Variants in GALNT13 observed in about 807,000 individuals in gnomAD.
GALNT13 encodes the protein polypeptide N-acetylgalactosaminyltransferase 13, also known as UDP-GalNAc:polypeptide N-acetylgalactosaminyltransferase 13.
A neutral mutation model predicts 64.2 loss-of-function variants in GALNT13; 28 were observed. The ratio of observed to expected loss-of-function variants is 0.44; its 90% CI spans 0.32 to 0.60. GALNT13 has a LOEUF of 0.60. Ranked by LOEUF, GALNT13 falls within the 20% of genes least tolerant of loss-of-function variation. The pLI is 0.05. For missense variants in GALNT13, 577 were observed against 669.8 expected (o/e 0.86, Z 1.53); for synonymous variants, 214 against 224.6 (o/e 0.95, Z 0.42).
At chr2:153,628,254 A>G in the GALNT13 span, among the ~76,000 whole-genome samples, 1 of 151,652 alleles carries the variant, frequency 6.6e-6, no homozygotes, top group Non-Finnish European at 1.5e-5. Flanking sequence ...GGCTGAGACA[A>G]TGGGGTTTTC....
chr2:154,411,563 C>T (rs1336494771), intron 11 of GALNT13, among the ~76,000 whole-genome samples: 1 of 151,550 alleles, frequency 6.6e-6, no homozygotes, highest in Non-Finnish European at 1.5e-5. Context: ...TCAATAATCT[C>T]ATTTATGAAA....
chr2:153,984,176 T>C (rs1293904772), intron 3 of GALNT13, among the ~76,000 whole-genome samples: 1 of 151,800 alleles, frequency 6.6e-6, no homozygotes, highest in Non-Finnish European at 1.5e-5. Flanking sequence ...TATAATCTGT[T>C]TTTGAGTTCT....
the GALNT13 span, among the ~76,000 whole-genome samples, chr2:153,338,833 A>G: frequency 2.6e-5 from 4 of 152,042 alleles, no homozygotes; most frequent in East Asian, 1.9e-4. Context: ...CTCTGTTTCT[A>G]TAAGTTGACT....
intron 3 of GALNT13, among the ~76,000 whole-genome samples, chr2:154,107,587 A>C (rs759234947): frequency 1.5e-5 from 2 of 135,184 alleles, no homozygotes; most frequent in Non-Finnish European, 3.1e-5. Context: ...AGACTACATC[A>C]CAAAAAAAAA....
chr2:153,994,882 G>A (rs372102251), intron 3 of GALNT13, among the ~76,000 whole-genome samples: 3 of 151,966 alleles, frequency 2.0e-5, no homozygotes, highest in Non-Finnish European at 4.4e-5. Flanking sequence ...TGTTCACTCC[G>A]ATGGTAGTTT....
At chr2:154,078,715 A>T (rs1209154791) in intron 3 of GALNT13, among the ~76,000 whole-genome samples, 1 of 151,636 alleles carries the variant, frequency 6.6e-6, no homozygotes, top group African/African-American at 2.4e-5. Flanking sequence ...TAAAATATAT[A>T]TGTAAAAACT....
chr2:153,908,697 G>A (rs575890034), intron 2 of GALNT13, among the ~76,000 whole-genome samples: 1 of 152,150 alleles, frequency 6.6e-6, no homozygotes, highest in East Asian at 1.9e-4. Flanking sequence ...AGACCAGATG[G>A]TTGTAGGTGT....
At chr2:153,888,288 C>T (rs1186785113) in intron 1 of GALNT13, among the ~76,000 whole-genome samples, 1 of 151,976 alleles carries the variant, frequency 6.6e-6, no homozygotes, top group Non-Finnish European at 1.5e-5. Context: ...ATGTAACCTA[C>T]AACTTCCTCA....
intron 4 of GALNT13, among the ~76,000 whole-genome samples, 193 bp downstream of exon 4, chr2:154,140,698 C>T (rs374008509): frequency 1.1e-4 from 17 of 152,132 alleles, no homozygotes; most frequent in South Asian, 4.1e-4. Context: ...AAGAAAAATA[C>T]GTTACTTGCA....
chr2:153,549,882 G>A, the GALNT13 span, among the ~76,000 whole-genome samples: 1 of 152,268 alleles, frequency 6.6e-6, no homozygotes, highest in Non-Finnish European at 1.5e-5. Flanking sequence ...CTTTCTTCTT[G>A]TCTTCTTTAT....
chr2:154,044,740 C>G (rs770164102), intron 3 of GALNT13, among the ~76,000 whole-genome samples: 7 of 152,164 alleles, frequency 4.6e-5, no homozygotes, highest in African/African-American at 1.7e-4. Flanking sequence ...ATTCTTATGT[C>G]TGTTTAGCTA....
intron 8 of GALNT13, among the ~76,000 whole-genome samples, chr2:154,292,668 T>A (rs116148636): frequency 0.016 from 2,450 of 152,326 alleles, 60 homozygotes; most frequent in African/African-American, 0.055. Context: ...TTGTACTATA[T>A]GGTCTCCATT....
At chr2:154,090,272 G>A (rs548184202) in intron 3 of GALNT13, among the ~76,000 whole-genome samples, 4 of 152,162 alleles carry the variant, frequency 2.6e-5, no homozygotes, top group Admixed American at 2.0e-4. Flanking sequence ...GGAAATAGGT[G>A]AAAGTCTACA....
intron 6 of GALNT13, among the ~76,000 whole-genome samples, chr2:154,244,099 TG>T (rs1441737275): frequency 2.6e-5 from 4 of 151,704 alleles, no homozygotes; most frequent in South Asian, 2.1e-4. Context: ...TACATTATGT[TG>T]TTTTTTTTTT....
At chr2:153,842,747 C>T in the GALNT13 span, among the ~76,000 whole-genome samples, 2 of 151,738 alleles carry the variant, frequency 1.3e-5, no homozygotes, top group Non-Finnish European at 2.9e-5. Flanking sequence ...CACACATGCA[C>T]ACACACACAC....
At chr2:153,568,793 A>C in the GALNT13 span, among the ~76,000 whole-genome samples, 1 of 152,292 alleles carries the variant, frequency 6.6e-6, no homozygotes, top group African/African-American at 2.4e-5. Flanking sequence ...CCCGAAAGTT[A>C]CCATACTCCT....
At position 154,450,401 on chromosome 2, in the gene GALNT13, T is replaced by G; in HGVS notation, c.1531-10T>G. 6.2e-7 allele frequency: 1 copy of G among 1,604,394 alleles called. No individual in the cohort carries two copies. The highest frequency in any genetic ancestry group is 8.5e-7 in the Non-Finnish European group (1 of 1,176,156). Reference sequence around the variant, plus strand: ...AATAAGCTGCACTGATTATTGGTTATCTTTTACAGAGACTCACGTTGCGAC... The same window carrying G: ...AATAAGCTGCACTGATTATTGGTTAGCTTTTACAGAGACTCACGTTGCGAC... On this transcript the variant is annotated splice_polypyrimidine_tract_variant and intron_variant, in intron 12 of 12. Transcript: ENST00000392825.
At chr2:153,609,994 A>G in the GALNT13 span, among the ~76,000 whole-genome samples, 1 of 152,144 alleles carries the variant, frequency 6.6e-6, no homozygotes, top group African/African-American at 2.4e-5. Flanking sequence ...ATAAGCTCAG[A>G]TGAAGGGTAG....
At chr2:154,276,605 G>A (rs1198118473) in intron 8 of GALNT13, among the ~76,000 whole-genome samples, 1 of 152,148 alleles carries the variant, frequency 6.6e-6, no homozygotes, top group African/African-American at 2.4e-5. Context: ...GAGTTAAGAT[G>A]CCTCCTCATT....
Sources: gnomAD v4.1 joint callset for allele counts (sites outside exome capture counted in the v4.1 genomes callset) on GRCh38, gnomAD v4.1.1 for gene constraint, MANE v1.5 for transcripts, NCBI Gene and HGNC (gene_info 2026-07-23, HGNC 2026-07-21) for gene names.